The following MACROD2 variants were observed in gnomAD, a reference collection of about 807,000 sequenced individuals.
MACROD2 encodes mono-ADP ribosylhydrolase 2.
MACROD2 carries 36 observed loss-of-function variants against 70.4 expected under a neutral mutation model. That is an observed-to-expected ratio of 0.51 (90% CI 0.39 to 0.68). The LOEUF (loss-of-function observed/expected upper bound fraction) is 0.68, where lower values mean the gene tolerates loss of function less well. Among genes scored for constraint, MACROD2 ranks in the 30% least tolerant of loss-of-function variants. The pLI, the probability that MACROD2 is intolerant of heterozygous loss-of-function variation, is 0.00. For synonymous variants in MACROD2, 172 were observed against 178.8 expected (o/e 0.96, Z 0.30); for missense variants, 496 against 538.4 (o/e 0.92, Z 0.78).
chr20:15,450,510 A>G (rs1260577974), intron 7 of MACROD2, among the ~76,000 whole-genome samples: 1 of 152,116 alleles, frequency 6.6e-6, no homozygotes, highest in Non-Finnish European at 1.5e-5. Context: ...CGTATTATAT[A>G]CAATAAAAAA....
chr20:15,191,969 ATAGT>A (rs2076574546), intron 5 of MACROD2, among the ~76,000 whole-genome samples: 1 of 152,044 alleles, frequency 6.6e-6, no homozygotes, highest in African/African-American at 2.4e-5. Context: ...ACAACTTTAT[ATAGT>A]TAAATAAATT....
chr20:15,532,024 C>A (rs1415909025), intron 8 of MACROD2, among the ~76,000 whole-genome samples: 1 of 151,842 alleles, frequency 6.6e-6, no homozygotes, highest in Non-Finnish European at 1.5e-5. Context: ...TGCCTTTTTT[C>A]TTTTTGTAAT....
chr20:15,336,574 A>G (rs2078051118), intron 6 of MACROD2, among the ~76,000 whole-genome samples: 1 of 151,286 alleles, frequency 6.6e-6, no homozygotes, highest in Admixed American at 6.6e-5. Flanking sequence ...CTTCCTTTTC[A>G]ATGTGTTTAT....
At chr20:16,020,055 C>G (rs998889988) in intron 15 of MACROD2, among the ~76,000 whole-genome samples, 1 of 152,198 alleles carries the variant, frequency 6.6e-6, no homozygotes, top group African/African-American at 2.4e-5. Context: ...TAAATTCATT[C>G]ACCTCAGCTA....
intron 5 of MACROD2, among the ~76,000 whole-genome samples, chr20:15,226,477 CTT>C (rs1308517628): frequency 6.6e-6 from 1 of 152,166 alleles, no homozygotes; most frequent in Admixed American, 6.5e-5. Flanking sequence ...TGTCCATAGA[CTT>C]TGCATCCATG....
At chr20:15,909,681 G>A (rs1160645973) in intron 10 of MACROD2, among the ~76,000 whole-genome samples, 8 of 151,674 alleles carry the variant, frequency 5.3e-5, no homozygotes, top group African/African-American at 1.9e-4. Context: ...CCGCCACTGC[G>A]CCCGGCTAAT....
intron 6 of MACROD2, among the ~76,000 whole-genome samples, chr20:15,373,373 A>G (rs1245747739): frequency 6.6e-6 from 1 of 152,072 alleles, no homozygotes; most frequent in Non-Finnish European, 1.5e-5. Flanking sequence ...TTTCTCTTCT[A>G]GGTGAATTAT....
rs375699526 is a variant in MACROD2 at position 15,048,121 on chromosome 20, A to T, written c.419-181819A>T. Among the ~76,000 whole-genome samples the T allele has an allele frequency of 6.0e-3, 900 of 149,828 alleles. 18 individuals carry two copies. Among genetic ancestry groups the T allele is most frequent in the African/African-American group, 0.021 (845 of 40,312 alleles). ...TCTAGTAAATAAATAAATAAATAAT[A>T]AAAAATTAGCCAGGTGTGGTGGTGG... On this transcript the variant is annotated intron_variant, in intron 5 of 17. Coordinates refer to ENST00000684519, the MANE Select transcript of MACROD2 (RefSeq NM_001351661.2).
intron 8 of MACROD2, among the ~76,000 whole-genome samples, chr20:15,541,486 G>A (rs2047955037): frequency 1.3e-5 from 2 of 152,164 alleles, no homozygotes; most frequent in Admixed American, 6.5e-5. Context: ...GGCCAAACGT[G>A]GTTAATAGAG....
At chr20:15,555,272 G>C (rs1479669874) in intron 8 of MACROD2, among the ~76,000 whole-genome samples, 1 of 152,140 alleles carries the variant, frequency 6.6e-6, no homozygotes, top group Admixed American at 6.5e-5. Flanking sequence ...ACCAATTCCA[G>C]TCCCTCTTTT....
intron 5 of MACROD2, among the ~76,000 whole-genome samples, chr20:15,000,122 A>G (rs117366310): frequency 0.021 from 3,241 of 152,338 alleles, 69 homozygotes; most frequent in Admixed American, 0.047. Flanking sequence ...AGATGAAAAA[A>G]TAAAAGGCTT....
chr20:15,182,832 G>A (rs987815679), intron 5 of MACROD2, among the ~76,000 whole-genome samples: 11 of 152,158 alleles, frequency 7.2e-5, no homozygotes, highest in African/African-American at 2.7e-4. Context: ...TTCACCGTAA[G>A]GGTACATCTT....
Position 14,984,303 on chromosome 20 carries a change from G to A in MACROD2, c.419-245637G>A, listed in dbSNP as rs536419531. On this transcript the variant is annotated intron_variant, in intron 5 of 17. Coordinates refer to ENST00000684519, the MANE Select transcript of MACROD2 (RefSeq NM_001351661.2). ...GGCCCCTGGGATGTTCTTGGGCGGAGAACTAGTAGTAGCAGGATTAGTGAC... is the reference window on the plus strand; with the variant it reads ...GGCCCCTGGGATGTTCTTGGGCGGAAAACTAGTAGTAGCAGGATTAGTGAC... Among the ~76,000 whole-genome samples, 6 of 152,300 alleles carry A rather than the reference G, an allele frequency of 3.9e-5. No homozygotes were observed. In the East Asian group the frequency reaches 1.2e-3, roughly 29 times the overall value.
At chr20:14,538,618 C>T (rs763323412) in intron 4 of MACROD2, among the ~76,000 whole-genome samples, 3 of 152,122 alleles carry the variant, frequency 2.0e-5, no homozygotes, top group Admixed American at 1.3e-4. Context: ...CTAACCACAC[C>T]GGCCTTCTTT....
At chr20:14,502,027 T>TTAA (rs2084920422) in intron 4 of MACROD2, among the ~76,000 whole-genome samples, 1 of 152,158 alleles carries the variant, frequency 6.6e-6, no homozygotes, top group South Asian at 2.1e-4. Flanking sequence ...AAAAGAGAAG[T>TTAA]TTATTGAGTT....
chr20:14,858,537 T>C (rs911310576), intron 5 of MACROD2, among the ~76,000 whole-genome samples: 3 of 152,144 alleles, frequency 2.0e-5, no homozygotes, highest in African/African-American at 7.2e-5. Flanking sequence ...GATTTTGGAA[T>C]GATACAGTTA....
At chr20:14,541,007 G>A (rs1189315271) in intron 4 of MACROD2, among the ~76,000 whole-genome samples, 3 of 152,038 alleles carry the variant, frequency 2.0e-5, no homozygotes, top group African/African-American at 7.2e-5. Flanking sequence ...CTGTTGGTAG[G>A]GAATATCTTT....
intron 5 of MACROD2, among the ~76,000 whole-genome samples, chr20:14,796,149 T>C (rs2072507458): frequency 1.3e-5 from 2 of 152,126 alleles, no homozygotes; most frequent in South Asian, 2.1e-4. Flanking sequence ...TGCTGACTTA[T>C]CACATTTTCA....
chr20:14,081,029 C>T (rs909119597), intron 2 of MACROD2, among the ~76,000 whole-genome samples: 1 of 152,168 alleles, frequency 6.6e-6, no homozygotes, highest in Non-Finnish European at 1.5e-5. Context: ...TTCTCTAAGC[C>T]TTTTTCTTGT....
Sources: allele counts gnomAD v4.1 joint callset (sites outside exome capture counted in the v4.1 genomes callset), GRCh38; gene constraint gnomAD v4.1.1; transcripts MANE v1.5; gene names NCBI Gene and HGNC (gene_info 2026-07-23, HGNC 2026-07-21).